The following TRANK1 variants were observed in gnomAD, a reference collection of about 807,000 sequenced individuals.
The protein encoded by TRANK1 is tetratricopeptide repeat and ankyrin repeat containing 1, also known as TPR and ankyrin repeat-containing protein 1.
TRANK1 carries 198 observed loss-of-function variants against 266.0 expected under a neutral mutation model. That is an observed-to-expected ratio of 0.74 (90% CI 0.66 to 0.84). TRANK1 has a LOEUF of 0.84. TRANK1 is among the 40% of genes least tolerant of loss of function. The probability of loss-of-function intolerance (pLI) is 0.00; values close to 1 mark genes in which losing one functional copy is unlikely to be tolerated. For missense variants in TRANK1, 3,326 were observed against 3,634.6 expected (o/e 0.92, Z 2.18); for synonymous variants, 1,396 against 1,384.1 (o/e 1.01, Z -0.19).
At position 36,844,777 on chromosome 3, in the gene TRANK1, C is replaced by T. The variant is rs188795729; in HGVS notation, c.5191+1471G>A. Among the ~76,000 whole-genome samples the T allele has an allele frequency of 7.2e-5, 11 of 152,144 alleles. No homozygotes were observed. The East Asian group carries it at 1.9e-3, about 27-fold the overall frequency. On this transcript the variant is annotated intron_variant, in intron 17 of 23. Transcript: ENST00000645898. Reference sequence around the variant, plus strand: ...AAGTCTTAGGATAAGAAATCTAATCCTAGTCGCCAACCGAGCCATCAGTAA... The same window carrying T: ...AAGTCTTAGGATAAGAAATCTAATCTTAGTCGCCAACCGAGCCATCAGTAA...
intron 1 of TRANK1, among the ~76,000 whole-genome samples, chr3:36,938,767 T>C (rs1256792671): frequency 6.6e-6 from 1 of 151,942 alleles, no homozygotes; most frequent in East Asian, 1.9e-4. Flanking sequence ...GAGACCAGCC[T>C]GGAAAACATG....
intron 1 of TRANK1, among the ~76,000 whole-genome samples, chr3:36,926,558 C>T (rs1187501444): frequency 6.6e-6 from 1 of 152,112 alleles, no homozygotes; most frequent in Non-Finnish European, 1.5e-5. Context: ...CTGTAAGGCT[C>T]ACCTCTGCAT....
intron 13 of TRANK1, among the ~76,000 whole-genome samples, chr3:36,854,849 G>A (rs369762078): frequency 1.3e-5 from 2 of 151,386 alleles, no homozygotes; most frequent in Non-Finnish European, 2.9e-5. Flanking sequence ...TATATAGAAC[G>A]AGCAGGTACT....
intron 13 of TRANK1, among the ~76,000 whole-genome samples, chr3:36,854,374 A>G (rs181892558): frequency 1.8e-3 from 272 of 150,066 alleles, no homozygotes; most frequent in African/African-American, 6.6e-3. Flanking sequence ...AAACAAAAAA[A>G]AAAGAAAGAA....
At position 36,828,437 on chromosome 3, in the gene TRANK1, AGAAG is replaced by A. The variant is rs10590354; in HGVS notation, c.8810-66_8810-63del. On this transcript the variant is annotated intron_variant, in intron 23 of 23. Transcript: ENST00000645898. ...AGAAGGGAGGGAGGGAGGGAAGGAAAGAAGGAAGGAAGGAAGGAAGGAAAGGAGG... is the reference window on the plus strand; with the variant it reads ...AGAAGGGAGGGAGGGAGGGAAGGAAAGAAGGAAGGAAGGAAGGAAAGGAGG... The A allele has an allele frequency of 2.8e-3, 2,351 of 830,678 alleles. 49 individuals are homozygous for A. The African/African-American group carries it at 0.032, about 11-fold the overall frequency. 51.5% of individuals were successfully genotyped at this position (830,678 alleles called of 1,614,324 possible).
chr3:36,928,707 TA>T (rs1330808290), intron 1 of TRANK1, among the ~76,000 whole-genome samples: 1 of 152,222 alleles, frequency 6.6e-6, no homozygotes, highest in Non-Finnish European at 1.5e-5. Context: ...GTAATTCTCA[TA>T]GGAGCATTTT....
At chr3:36,919,804 G>A (rs6776581) in intron 1 of TRANK1, among the ~76,000 whole-genome samples, 3,921 of 152,218 alleles carry the variant, frequency 0.026, 175 homozygotes, top group African/African-American at 0.089. Flanking sequence ...TAGCCACTGT[G>A]GTATCTTATT....
intron 1 of TRANK1, among the ~76,000 whole-genome samples, chr3:36,919,956 A>G (rs575073929): frequency 2.6e-5 from 4 of 152,338 alleles, no homozygotes; most frequent in African/African-American, 7.2e-5. Flanking sequence ...TAACCACTAG[A>G]TGACAATATG....
rs901140796 is a variant in TRANK1 at position 36,850,008 on chromosome 3, C to A, written c.4887+1711G>T. 4.1e-6 allele frequency: 4 copies of A among 985,274 alleles called. No homozygotes were observed. The Admixed American group carries it at 1.8e-4, about 45-fold the overall frequency. 61.0% of individuals were successfully genotyped at this position (985,274 alleles called of 1,614,324 possible). Reference sequence around the variant, plus strand: ...CCTGAGCCTTGGCCACTTCCAGGATCAAGGTAAGACACATAACTGGATTTT... The same window carrying A: ...CCTGAGCCTTGGCCACTTCCAGGATAAAGGTAAGACACATAACTGGATTTT... On this transcript the variant is annotated intron_variant, in intron 15 of 23. Coordinates refer to ENST00000645898, the MANE Select transcript of TRANK1 (RefSeq NM_001329998.2).
intron 6 of TRANK1, 29 bp downstream of exon 6, chr3:36,892,872 G>GATATAGATATATATATATATATATAT (rs2079727187): frequency 1.7e-6 from 1 of 591,712 alleles, no homozygotes; most frequent in Non-Finnish European, 2.4e-6. Context: ...TATATATATA[G>GATATAGATATATATATATATATATAT]ATATATATAG....
chr3:36,864,348 C>T lies in TRANK1; in HGVS notation c.1211G>A (p.Arg404Lys). ...KNFLKQEVVQ[R>K]FLRLLSTLQE... ...CAGAGTAGAAAGGAGACGCAAGAACCTCTGAACTACTTCCTGCTTCAGAAA... is the reference window on the plus strand; with the variant it reads ...CAGAGTAGAAAGGAGACGCAAGAACTTCTGAACTACTTCCTGCTTCAGAAA... Residue 404 changes from arginine to lysine, a missense_variant, in exon 10 of 24, where the codon AGG (arginine) becomes AAG (lysine). By Grantham distance (26) the Arg-to-Lys change is conservative. Coordinates refer to ENST00000645898, the MANE Select transcript of TRANK1 (RefSeq NM_001329998.2). 1 of 1,535,770 alleles carries T rather than the reference C, an allele frequency of 6.5e-7. No individual in the cohort carries two copies. The highest frequency in any genetic ancestry group is 8.7e-7 in the Non-Finnish European group (1 of 1,146,236).
intron 8 of TRANK1, among the ~76,000 whole-genome samples, chr3:36,874,568 G>A (rs1225416180): frequency 6.6e-6 from 1 of 152,154 alleles, no homozygotes; most frequent in African/African-American, 2.4e-5. Flanking sequence ...AACAAGCAAG[G>A]AGAGGGGGAA....
rs1297710059 is a variant in TRANK1 at position 36,847,255 on chromosome 3, T to TCC, written c.4977_4978dup (p.Asp1660GlyfsTer14). 5.6e-6 allele frequency: 9 copies of TCC among 1,613,606 alleles called. No individual in the cohort carries two copies. In the Admixed American group the frequency reaches 1.2e-4, roughly 21 times the overall value. ...TCGACCCTGAGAAGAGCCTGGTTTGTCCAGGGGTACTTCAACCAATGGCCG... is the reference window on the plus strand; with the variant it reads ...TCGACCCTGAGAAGAGCCTGGTTTGTCCCCAGGGGTACTTCAACCAATGGCCG... On this transcript the variant is annotated frameshift_variant, in exon 16 of 24. Coordinates refer to ENST00000645898, the MANE Select transcript of TRANK1 (RefSeq NM_001329998.2). LOFTEE classifies it high-confidence loss of function.
At chr3:36,860,687 T>C (rs1269744231) in intron 11 of TRANK1, among the ~76,000 whole-genome samples, 2 of 152,074 alleles carry the variant, frequency 1.3e-5, no homozygotes, top group African/African-American at 4.8e-5. Context: ...AAGAGAAAGG[T>C]AGTAACTGGA....
At chr3:36,943,632 G>T (rs2080528448) in intron 1 of TRANK1, among the ~76,000 whole-genome samples, 2 of 150,956 alleles carry the variant, frequency 1.3e-5, no homozygotes, top group Admixed American at 1.3e-4. Context: ...ACACACCGTA[G>T]TACTTTTTTT....
Position 36,828,381 on chromosome 3 carries a change from G to GAAAA in TRANK1, c.8810-7_8810-6insTTTT. On this transcript the variant is annotated splice_region_variant and splice_polypyrimidine_tract_variant and intron_variant, in intron 23 of 23. Transcript: ENST00000645898. Reference sequence around the variant, plus strand: ...ATCATCTTCCTGAACAATACCTGAAGAAAGAAAGAAGGAAGGAAGGAAGGA... The same window carrying GAAAA: ...ATCATCTTCCTGAACAATACCTGAAGAAAAAAAGAAAGAAGGAAGGAAGGAAGGA... 8.1e-7 allele frequency: 1 copy of GAAAA among 1,227,882 alleles called. No individual in the cohort carries two copies. The highest frequency in any genetic ancestry group is 1.1e-6 in the Non-Finnish European group (1 of 922,930). The allele number at this position is 1,227,882 out of a possible 1,614,324, so 76.1% of individuals were successfully genotyped here.
At chr3:36,888,632 C>T (rs1392508805) in intron 8 of TRANK1, among the ~76,000 whole-genome samples, 1 of 152,198 alleles carries the variant, frequency 6.6e-6, no homozygotes, top group South Asian at 2.1e-4. Context: ...AGAGAGGAAA[C>T]TGCAGTTTCC....
intron 17 of TRANK1, among the ~76,000 whole-genome samples, chr3:36,842,961 G>A (rs1471058027): frequency 1.3e-5 from 2 of 152,112 alleles, no homozygotes; most frequent in Admixed American, 6.5e-5. Flanking sequence ...ATTAGAACAC[G>A]GGGCGACCCC....
chr3:36,929,156 T>G (rs911598285), intron 1 of TRANK1, among the ~76,000 whole-genome samples: 9 of 151,806 alleles, frequency 5.9e-5, no homozygotes, highest in African/African-American at 1.9e-4. Context: ...ATTTTTTTTT[T>G]TTTTTTGAGA....
Sources: allele counts gnomAD v4.1 joint callset (sites outside exome capture counted in the v4.1 genomes callset), GRCh38; gene constraint gnomAD v4.1.1; transcripts MANE v1.5; gene names NCBI Gene and HGNC (gene_info 2026-07-23, HGNC 2026-07-21).